The following SDK1 variants were observed in gnomAD, a reference collection of about 807,000 sequenced individuals.
SDK1 encodes protein sidekick-1.
In SDK1, 157 loss-of-function variants were observed where a neutral mutation model predicts 245.5. The observed-to-expected ratio is 0.64, with a 90% CI of 0.56 to 0.73. The LOEUF is 0.73. Among genes scored for constraint, SDK1 ranks in the 30% least tolerant of loss-of-function variants. SDK1 has a pLI of 0.00. For synonymous variants in SDK1, 1,647 were observed against 1,278.5 expected (o/e 1.29, Z -6.15); for missense variants, 3,583 against 3,002.3 (o/e 1.19, Z -4.52).
chr7:3,427,592 GTCT>G (rs953543642), intron 1 of SDK1, among the ~76,000 whole-genome samples: 23 of 151,252 alleles, frequency 1.5e-4, no homozygotes, highest in Non-Finnish European at 2.4e-4. Context: ...AACAGTGCTT[GTCT>G]TCTTCATCTT....
At chr7:3,722,539 A>G (rs2115030746) in intron 4 of SDK1, among the ~76,000 whole-genome samples, 1 of 152,238 alleles carries the variant, frequency 6.6e-6, no homozygotes, top group East Asian at 1.9e-4. Flanking sequence ...TCCTGTATCT[A>G]TGTCCCTGTG....
chr7:3,417,569 A>G (rs1779409778), intron 1 of SDK1, among the ~76,000 whole-genome samples: 1 of 152,222 alleles, frequency 6.6e-6, no homozygotes, highest in Non-Finnish European at 1.5e-5. Flanking sequence ...GTACTAAGGC[A>G]AAAATACCCT....
chr7:4,193,025 A>G (rs1012757614), intron 35 of SDK1, among the ~76,000 whole-genome samples: 3 of 143,476 alleles, frequency 2.1e-5, no homozygotes, highest in Non-Finnish European at 4.5e-5. Context: ...AAAATATATA[A>G]TATAGATTAT....
intron 32 of SDK1, among the ~76,000 whole-genome samples, chr7:4,163,658 C>T (rs1781311498): frequency 4.6e-5 from 7 of 152,160 alleles, no homozygotes; most frequent in Admixed American, 4.6e-4. Flanking sequence ...GCCTGCTGGG[C>T]CGGGAGAGAG....
chr7:3,590,087 G>C (rs1303356952), intron 1 of SDK1, among the ~76,000 whole-genome samples: 1 of 152,178 alleles, frequency 6.6e-6, no homozygotes, highest in African/African-American at 2.4e-5. Context: ...TTAGGGGATA[G>C]ATGATACACT....
Position 3,783,177 on chromosome 7 carries a change from A to G in SDK1, c.714-38273A>G, listed in dbSNP as rs539138235. On this transcript the variant is annotated intron_variant, in intron 4 of 44. Transcript: ENST00000404826. ...ATTTGACAAAAATTCATCTTTTTATAAAAATTCTCGGCAAATTAGTTGTAG... is the reference window on the plus strand; with the variant it reads ...ATTTGACAAAAATTCATCTTTTTATGAAAATTCTCGGCAAATTAGTTGTAG... Among the ~76,000 whole-genome samples, 5 of 152,346 alleles carry G rather than the reference A, an allele frequency of 3.3e-5. No homozygotes were observed. In the South Asian group the frequency reaches 1.0e-3, roughly 32 times the overall value.
intron 1 of SDK1, among the ~76,000 whole-genome samples, chr7:3,343,235 A>T (rs1041039002): frequency 6.6e-6 from 1 of 151,944 alleles, no homozygotes; most frequent in African/African-American, 2.4e-5. Context: ...GAGAAGCTTT[A>T]TTTATAATAA....
intron 1 of SDK1, among the ~76,000 whole-genome samples, chr7:3,565,440 G>C (rs1204982817): frequency 1.3e-5 from 2 of 152,154 alleles, no homozygotes; most frequent in African/African-American, 4.8e-5. Context: ...TTTATGTCCT[G>C]ATCAGTGCTA....
At position 3,826,283 on chromosome 7, in the gene SDK1, A is replaced by G. The variant is rs567134390; in HGVS notation, c.847+4700A>G. On this transcript the variant is annotated intron_variant, in intron 5 of 44. Coordinates refer to ENST00000404826, the MANE Select transcript of SDK1 (RefSeq NM_152744.4). ...TCAGACAGAAGAGAGGACGGGAATC[A>G]GCAGTGCTAATCATGAAGGTTCCGT... 2.6e-5 allele frequency among the ~76,000 whole-genome samples: 4 copies of G among 152,332 alleles called. No individual in the cohort carries two copies. The South Asian group carries it at 8.3e-4, about 32-fold the overall frequency.
chr7:4,219,679 CTA>C, intron 38 of SDK1, among the ~76,000 whole-genome samples: 1 of 152,252 alleles, frequency 6.6e-6, no homozygotes, highest in South Asian at 2.1e-4. Flanking sequence ...TCCCTCGTGA[CTA>C]TGTCAGGAAG....
At chr7:3,863,703 C>A (rs1285444068) in intron 5 of SDK1, among the ~76,000 whole-genome samples, 1 of 152,244 alleles carries the variant, frequency 6.6e-6, no homozygotes, top group African/African-American at 2.4e-5. Context: ...CCTTTTATGA[C>A]TGGCTTCTTT....
At chr7:4,258,913 T>A (rs1186901466) in intron 44 of SDK1, among the ~76,000 whole-genome samples, 3 of 152,250 alleles carry the variant, frequency 2.0e-5, no homozygotes, top group Non-Finnish European at 4.4e-5. Context: ...GAATTTCTCG[T>A]GAGAAAAGTG....
At chr7:3,434,876 G>A (rs1483083914) in intron 1 of SDK1, among the ~76,000 whole-genome samples, 2 of 152,140 alleles carry the variant, frequency 1.3e-5, no homozygotes, top group African/African-American at 4.8e-5. Context: ...CTGAGATACA[G>A]GTTAGAATTG....
At chr7:3,475,401 G>A (rs1210495533) in intron 1 of SDK1, among the ~76,000 whole-genome samples, 5 of 152,106 alleles carry the variant, frequency 3.3e-5, no homozygotes, top group African/African-American at 9.7e-5. Context: ...GAGCCCCCTC[G>A]GGTGTGGGGC....
chr7:4,136,506 G>A (rs541425813), intron 28 of SDK1, among the ~76,000 whole-genome samples: 3 of 152,338 alleles, frequency 2.0e-5, no homozygotes, highest in East Asian at 1.9e-4. Flanking sequence ...GATTAACAGC[G>A]TGAACCACAG....
At chr7:3,550,239 C>A (rs1331213506) in intron 1 of SDK1, among the ~76,000 whole-genome samples, 1 of 152,068 alleles carries the variant, frequency 6.6e-6, no homozygotes, top group African/African-American at 2.4e-5. Flanking sequence ...AAAGAGGCTG[C>A]AAATTTAGGC....
At chr7:3,345,326 A>G (rs962862817) in intron 1 of SDK1, among the ~76,000 whole-genome samples, 3 of 152,228 alleles carry the variant, frequency 2.0e-5, no homozygotes, top group Non-Finnish European at 2.9e-5. Context: ...GGGACATGAC[A>G]TATGTTAGGA....
intron 17 of SDK1, among the ~76,000 whole-genome samples, chr7:4,030,960 A>G (rs1386678202): frequency 3.3e-5 from 5 of 152,220 alleles, no homozygotes; most frequent in Non-Finnish European, 7.3e-5. Flanking sequence ...GATTTGTTAC[A>G]TAAACACAAA....
Position 3,491,964 on chromosome 7 carries a change from A to G in SDK1, c.299-127116A>G, listed in dbSNP as rs1037193077. Among the ~76,000 whole-genome samples the G allele has an allele frequency of 7.2e-5, 11 of 152,344 alleles. No homozygotes were observed. The East Asian group carries it at 1.7e-3, about 24-fold the overall frequency. On this transcript the variant is annotated intron_variant, in intron 1 of 44. Coordinates refer to ENST00000404826, the MANE Select transcript of SDK1 (RefSeq NM_152744.4). ...GTGAATACAGGTGTTCATATAAAAC[A>G]TCATTTAAAATCGTCTATCCATATG...
Sources: allele counts gnomAD v4.1 joint callset (sites outside exome capture counted in the v4.1 genomes callset), GRCh38; gene constraint gnomAD v4.1.1; transcripts MANE v1.5; gene names NCBI Gene and HGNC (gene_info 2026-07-23, HGNC 2026-07-21).